Variants in PDE2A observed in about 807,000 individuals in gnomAD.
The protein encoded by PDE2A is phosphodiesterase 2A, also known as cGMP-dependent 3',5'-cyclic phosphodiesterase.
In PDE2A, 53 loss-of-function variants were observed where a neutral mutation model predicts 133.6. That is an observed-to-expected ratio of 0.40 (90% CI 0.32 to 0.50). The LOEUF is 0.50. Among genes scored for constraint, PDE2A ranks in the 20% least tolerant of loss-of-function variants. The probability of loss-of-function intolerance (pLI) is 0.73; values close to 1 mark genes in which losing one functional copy is unlikely to be tolerated. For missense variants in PDE2A, 796 were observed against 1,232.4 expected, an observed-to-expected ratio of 0.65 and a Z score of 5.30; for synonymous variants, 491 against 490.2, an observed-to-expected ratio of 1.00 and a Z score of -0.02.
chr11:72,667,301 T>C (rs1855264641), intron 1 of PDE2A, among the ~76,000 whole-genome samples: 2 of 152,032 alleles, frequency 1.3e-5, no homozygotes. Flanking sequence ...ATCAAGCAAG[T>C]CATGACCCAA....
chr11:72,577,676 TAG>T, intron 30 of PDE2A, 82 bp from the exon 31 acceptor site: 1 of 1,031,352 alleles, frequency 9.7e-7, no homozygotes, highest in Non-Finnish European at 1.5e-6. Context: ...ACACAACAAA[TAG>T]AACTTCCACA....
chr11:72,614,715 G>A (rs1372735561), intron 2 of PDE2A, among the ~76,000 whole-genome samples: 1 of 152,194 alleles, frequency 6.6e-6, no homozygotes, highest in African/African-American at 2.4e-5. Context: ...AGAGGTGCCT[G>A]TTTGGGTCAT....
chr11:72,585,486 C>T (rs779636374), intron 15 of PDE2A, 52 bp from the exon 16 acceptor site: 145 of 1,609,718 alleles, frequency 9.0e-5, no homozygotes, highest in Non-Finnish European at 1.2e-4. Context: ...CAAGACCTCC[C>T]GCCTCTCCTC....
chr11:72,591,075 T>C, intron 7 of PDE2A: 2 of 543,622 alleles, frequency 3.7e-6, no homozygotes, highest in Non-Finnish European at 6.6e-6. Flanking sequence ...ACCAGTTTTG[T>C]TTCACCACTG....
At chr11:72,623,319 T>A (rs1857873016) in intron 2 of PDE2A, among the ~76,000 whole-genome samples, 1 of 152,034 alleles carries the variant, frequency 6.6e-6, no homozygotes, top group Non-Finnish European at 1.5e-5. Context: ...GGCTTCTGGC[T>A]TCACACTCCT....
intron 1 of PDE2A, among the ~76,000 whole-genome samples, chr11:72,645,177 C>T (rs1037143240): frequency 5.3e-5 from 8 of 152,204 alleles, no homozygotes; most frequent in Non-Finnish European, 1.2e-4. Context: ...CTTTCAGATC[C>T]AAGCATTCCT....
intron 2 of PDE2A, among the ~76,000 whole-genome samples, chr11:72,637,512 GGTAAGAATCC>G (rs1429270967): frequency 2.6e-5 from 4 of 152,254 alleles, no homozygotes; most frequent in Non-Finnish European, 5.9e-5. Flanking sequence ...GCTCAAAGGA[GGTAAGAATCC>G]CTGGGCTGAG....
chr11:72,614,026 G>A (rs3781934), intron 2 of PDE2A, among the ~76,000 whole-genome samples: 20,877 of 152,266 alleles, frequency 0.14, 1,579 homozygotes, highest in South Asian at 0.2. Context: ...AGAGAAGCCC[G>A]CTTCAGCTGA....
At chr11:72,598,635 T>G in intron 4 of PDE2A, 1 of 1,289,040 alleles carries the variant, frequency 7.8e-7, no homozygotes, top group Non-Finnish European at 1.0e-6. Flanking sequence ...CTTGGGGAAC[T>G]GTGTGCATAC....
intron 4 of PDE2A, among the ~76,000 whole-genome samples, chr11:72,604,525 A>G (rs1286685408): frequency 6.6e-6 from 1 of 152,224 alleles, no homozygotes; most frequent in Non-Finnish European, 1.5e-5. Context: ...TAAATGCTTT[A>G]CATGTGTGAC....
chr11:72,579,202 G>A, intron 27 of PDE2A, 82 bp downstream of exon 27: 4 of 1,138,030 alleles, frequency 3.5e-6, no homozygotes, highest in Non-Finnish European at 5.3e-6. Context: ...GGATGGGTCT[G>A]CACCCTGGGA....
intron 1 of PDE2A, among the ~76,000 whole-genome samples, chr11:72,649,777 A>G (rs1363772548): frequency 3.3e-5 from 5 of 152,146 alleles, no homozygotes; most frequent in African/African-American, 9.7e-5. Context: ...GACTCCTTCC[A>G]CAGCGCCATC....
chr11:72,627,884 A>G (rs1221427825), intron 2 of PDE2A, among the ~76,000 whole-genome samples: 1 of 152,260 alleles, frequency 6.6e-6, no homozygotes, highest in Non-Finnish European at 1.5e-5. Context: ...TCAGAGAGAC[A>G]GTAATGATGC....
intron 25 of PDE2A, 62 bp downstream of exon 25, chr11:72,580,515 T>C (rs1055409893): frequency 5.5e-6 from 7 of 1,278,828 alleles, no homozygotes; most frequent in Non-Finnish European, 5.6e-6. Flanking sequence ...AGCTGGGTCA[T>C]AACTTTGCAA....
intron 11 of PDE2A, 121 bp downstream of exon 11, chr11:72,589,630 G>T: frequency 1.2e-6 from 1 of 846,756 alleles, no homozygotes; most frequent in Non-Finnish European, 2.0e-6. Context: ...CCAAGATCCA[G>T]ATAATTCCAT....
intron 27 of PDE2A, 133 bp downstream of exon 27, chr11:72,579,151 T>G: frequency 1.1e-6 from 1 of 944,638 alleles, no homozygotes; most frequent in South Asian, 1.4e-5. Flanking sequence ...TGGGTCTGCC[T>G]GGGGGGGGCC....
chr11:72,674,110 A>C lies in PDE2A; in HGVS notation c.71+27T>G, dbSNP rs549955674. 7.5e-6 allele frequency: 12 copies of C among 1,608,148 alleles called. No homozygotes were observed. The Admixed American group carries it at 1.7e-4, about 22-fold the overall frequency. ...TCTGTGGCACCTCTCACAGCCGCTC[A>C]CCACCCCAGCCCCTCACTATACTCA... On this transcript the variant is annotated intron_variant, in intron 1 of 30. Transcript: ENST00000334456.
At chr11:72,588,739 C>T in intron 13 of PDE2A, 45 bp downstream of exon 13, 1 of 1,553,358 alleles carries the variant, frequency 6.4e-7, no homozygotes, top group South Asian at 1.2e-5. Flanking sequence ...CCTAGCCAGC[C>T]TCTCAGTGAC....
chr11:72,620,831 G>A (rs1857731150), intron 2 of PDE2A, among the ~76,000 whole-genome samples: 1 of 151,708 alleles, frequency 6.6e-6, no homozygotes, highest in South Asian at 2.1e-4. Flanking sequence ...GGCAGGAGGG[G>A]GTATCGCTGA....
Sources: allele counts gnomAD v4.1 joint callset (sites outside exome capture counted in the v4.1 genomes callset), GRCh38; gene constraint gnomAD v4.1.1; transcripts MANE v1.5; gene names NCBI Gene and HGNC (gene_info 2026-07-23, HGNC 2026-07-21).